SENP1: variants seen among roughly 807,000 people sequenced by gnomAD.
The protein encoded by SENP1 is sentrin-specific protease 1.
A neutral mutation model predicts 93.0 loss-of-function variants in SENP1; 21 were observed. The ratio of observed to expected loss-of-function variants is 0.23; its 90% CI spans 0.16 to 0.33. The LOEUF is 0.33. Ranked by LOEUF, SENP1 falls within the 10% of genes least tolerant of loss-of-function variation. SENP1 has a pLI of 1.00. For missense variants in SENP1, 591 were observed against 758.7 expected, an observed-to-expected ratio of 0.78 and a Z score of 2.60; for synonymous variants, 256 against 259.6, an observed-to-expected ratio of 0.99 and a Z score of 0.13.
intron 13 of SENP1, among the ~76,000 whole-genome samples, chr12:48,049,983 A>G (rs148928417): frequency 4.3e-4 from 66 of 152,274 alleles, no homozygotes; most frequent in African/African-American, 1.6e-3. Flanking sequence ...GAGATGTGTG[A>G]TTCTTTGTTA....
intron 9 of SENP1, among the ~76,000 whole-genome samples, chr12:48,070,870 T>C (rs2137012389): frequency 6.6e-6 from 1 of 152,230 alleles, no homozygotes; most frequent in East Asian, 1.9e-4. Flanking sequence ...GTTAGGAGGA[T>C]CGCTTGAGGC....
intron 6 of SENP1, among the ~76,000 whole-genome samples, chr12:48,075,380 T>C (rs1943995422): frequency 6.6e-6 from 1 of 152,092 alleles, no homozygotes; most frequent in African/African-American, 2.4e-5. Context: ...AGCCAGCAGG[T>C]AATCACTTCT....
intron 6 of SENP1, among the ~76,000 whole-genome samples, chr12:48,083,375 A>C (rs568864329): frequency 6.6e-6 from 1 of 152,312 alleles, no homozygotes; most frequent in Admixed American, 6.5e-5. Context: ...GGCATAGAAG[A>C]TATAATAGTA....
intron 8 of SENP1, among the ~76,000 whole-genome samples, chr12:48,072,704 G>A (rs1328803630): frequency 6.6e-6 from 1 of 152,034 alleles, no homozygotes; most frequent in African/African-American, 2.4e-5. Flanking sequence ...TAAGAAAAAA[G>A]TAACATCTTC....
At chr12:48,103,940 C>T (rs1329919005) in intron 1 of SENP1, among the ~76,000 whole-genome samples, 2 of 152,050 alleles carry the variant, frequency 1.3e-5, no homozygotes, top group African/African-American at 4.8e-5. Context: ...AGGCTGGGCA[C>T]GGTGGCTCAC....
intron 6 of SENP1, among the ~76,000 whole-genome samples, chr12:48,082,648 A>G (rs746863833): frequency 2.0e-5 from 3 of 152,230 alleles, no homozygotes; most frequent in Non-Finnish European, 4.4e-5. Flanking sequence ...ATGTAATCTA[A>G]CAGATATGTG....
intron 4 of SENP1, among the ~76,000 whole-genome samples, chr12:48,092,065 G>C (rs1945258471): frequency 6.6e-6 from 1 of 152,110 alleles, no homozygotes; most frequent in Non-Finnish European, 1.5e-5. Flanking sequence ...TGGATTGAGA[G>C]GCAGATTTTT....
chr12:48,058,297 C>T (rs1434605618), intron 13 of SENP1, among the ~76,000 whole-genome samples: 1 of 152,094 alleles, frequency 6.6e-6, no homozygotes, highest in African/African-American at 2.4e-5. Context: ...ATGTGGCTCA[C>T]ATTATATTTC....
intron 13 of SENP1, among the ~76,000 whole-genome samples, chr12:48,058,442 T>G (rs1040234187): frequency 6.6e-6 from 1 of 152,196 alleles, no homozygotes; most frequent in Non-Finnish European, 1.5e-5. Flanking sequence ...CTCTTTTGTA[T>G]TTTTAAAGCT....
At position 48,078,945 on chromosome 12, in the gene SENP1, T is replaced by C. The variant is rs118036995; in HGVS notation, c.553-4152A>G. ...CAGAGGATCACTTGAGCCTAGGAGT[T>C]TGAGACCAGCCTGGGCAACAAAGTG... On this transcript the variant is annotated intron_variant, in intron 6 of 17. Transcript: ENST00000549518. Among the ~76,000 whole-genome samples, 313 of 152,310 alleles carry C rather than the reference T, an allele frequency of 2.1e-3. 6 individuals carry two copies. In the East Asian group the frequency reaches 0.049, roughly 24 times the overall value.
chr12:48,068,825 GA>G (rs111640460), intron 9 of SENP1, among the ~76,000 whole-genome samples: 55 of 148,714 alleles, frequency 3.7e-4, no homozygotes, highest in Admixed American at 1.8e-3. Flanking sequence ...AATCTTCTGA[GA>G]AAAAAAAAAT....
chr12:48,086,574 A>T (rs1592435059), intron 5 of SENP1, among the ~76,000 whole-genome samples: 1 of 152,168 alleles, frequency 6.6e-6, no homozygotes, highest in African/African-American at 2.4e-5. Context: ...CCAAAACAAG[A>T]TACTGTTTGT....
At chr12:48,049,860 C>T (rs1941661955) in intron 13 of SENP1, among the ~76,000 whole-genome samples, 2 of 152,174 alleles carry the variant, frequency 1.3e-5, no homozygotes. Context: ...AAGTCACAAA[C>T]ATGAAGAATA....
chr12:48,065,568 G>A, intron 11 of SENP1, 28 bp downstream of exon 11: 2 of 1,419,542 alleles, frequency 1.4e-6, no homozygotes, highest in Non-Finnish European at 1.9e-6. Context: ...CTATTTATTT[G>A]TAATATTATT....
rs1480565961 is a variant in SENP1, at chr12:48,077,794, G to T, written c.553-3001C>A. Among the ~76,000 whole-genome samples, 7 of 152,090 alleles carry T rather than the reference G, an allele frequency of 4.6e-5. No individual in the cohort carries two copies. In the East Asian group the frequency reaches 1.4e-3, roughly 29 times the overall value. On this transcript the variant is annotated intron_variant, in intron 6 of 17. Coordinates refer to ENST00000549518, the MANE Select transcript of SENP1 (RefSeq NM_001267594.2). ...CTAAGTTCTCTATTCCGTTTCATTG[G>T]CTGATGTCTATTTCCAATACCATGC...
Position 48,099,801 on chromosome 12 carries a change from C to T in SENP1, c.4+1668G>A, listed in dbSNP as rs76053791. Among the ~76,000 whole-genome samples, 722 of 152,172 alleles carry T rather than the reference C, an allele frequency of 4.7e-3. 7 individuals carry two copies. Among genetic ancestry groups the T allele is most frequent in the African/African-American group, 0.016 (648 of 41,502 alleles). ...TCCAGCCTAGGCAAGAGAGTGAGAC[C>T]CTGTCTCTAATAATAATAATAATCT... On this transcript the variant is annotated intron_variant, in intron 2 of 17. Transcript: ENST00000549518.
chr12:48,104,986 C>G (rs1253815855), intron 1 of SENP1, among the ~76,000 whole-genome samples: 1 of 152,140 alleles, frequency 6.6e-6, no homozygotes, highest in Non-Finnish European at 1.5e-5. Context: ...CTTAAAGTTG[C>G]GCTTTAACTG....
At chr12:48,064,962 C>A (rs1943195970) in intron 12 of SENP1, 103 bp downstream of exon 12, 2 of 818,732 alleles carry the variant, frequency 2.4e-6, no homozygotes, top group Admixed American at 2.3e-5. Flanking sequence ...CAGGCGTGAG[C>A]CACCGTGCCT....
chr12:48,049,187 A>G (rs1047898883), intron 13 of SENP1, 55 bp from the exon 14 acceptor site: 34 of 1,373,620 alleles, frequency 2.5e-5, no homozygotes, highest in Non-Finnish European at 3.1e-5. Flanking sequence ...GCCTTTCAAA[A>G]TAGTTGCAGT....
Sources: allele counts gnomAD v4.1 joint callset (sites outside exome capture counted in the v4.1 genomes callset), GRCh38; gene constraint gnomAD v4.1.1; transcripts MANE v1.5; gene names NCBI Gene and HGNC (gene_info 2026-07-23, HGNC 2026-07-21).